The following NRXN3 variants were observed in gnomAD, a reference collection of about 807,000 sequenced individuals.
NRXN3 encodes neurexin III.
NRXN3 carries 32 observed loss-of-function variants against 137.6 expected under a neutral mutation model. The ratio of observed to expected loss-of-function variants is 0.23; its 90% CI spans 0.18 to 0.31. NRXN3 has a LOEUF of 0.31. NRXN3 is among the 10% of genes least tolerant of loss of function. NRXN3 has a pLI of 1.00. For synonymous variants in NRXN3, 798 were observed against 784.5 expected, an observed-to-expected ratio of 1.02 and a Z score of -0.29; for missense variants, 1,574 against 2,062.5, an observed-to-expected ratio of 0.76 and a Z score of 4.59.
At chr14:79,398,059 T>C (rs1258823603) in intron 15 of NRXN3, among the ~76,000 whole-genome samples, 2 of 152,164 alleles carry the variant, frequency 1.3e-5, no homozygotes, top group Non-Finnish European at 2.9e-5. Flanking sequence ...TTCATCAGCT[T>C]CCATCAGGGT....
At chr14:79,798,001 G>A (rs2099166147) in intron 19 of NRXN3, among the ~76,000 whole-genome samples, 1 of 151,854 alleles carries the variant, frequency 6.6e-6, no homozygotes, top group African/African-American at 2.4e-5. Context: ...CTAGGAGGCT[G>A]AGGCAAGAGG....
chr14:78,407,354 GC>G, intron 4 of NRXN3, among the ~76,000 whole-genome samples: 1 of 152,086 alleles, frequency 6.6e-6, no homozygotes, highest in Non-Finnish European at 1.5e-5. Context: ...CTGCTACTAA[GC>G]CCCCTATCAA....
At chr14:79,259,995 A>G (rs1333884414) in intron 15 of NRXN3, among the ~76,000 whole-genome samples, 1 of 152,130 alleles carries the variant, frequency 6.6e-6, no homozygotes, top group Non-Finnish European at 1.5e-5. Context: ...CAGTTGTGCC[A>G]GAGCATAATT....
intron 15 of NRXN3, among the ~76,000 whole-genome samples, chr14:79,375,285 T>TCC (rs1344598390): frequency 7.4e-6 from 1 of 134,592 alleles, no homozygotes; most frequent in Non-Finnish European, 1.6e-5. Flanking sequence ...CGCCTCCAGC[T>TCC]CCCACCCCCT....
chr14:78,243,456 G>A lies in NRXN3; in HGVS notation c.363G>A (p.Thr121=), dbSNP rs367867090. Residue 121 remains threonine (T), a synonymous_variant, in exon 2 of 21, where the codon ACG becomes ACA. Transcript: ENST00000335750. The surrounding 1 kb of genome is among the most constrained non-coding windows in gnomAD (Gnocchi z 4.2). ...TGGTGAGCCGTGACCGCCTGCGCACGGTGCTGATGCTTGATGGCGAGGGCC... is the reference window on the plus strand; with the variant it reads ...TGGTGAGCCGTGACCGCCTGCGCACAGTGCTGATGCTTGATGGCGAGGGCC... The part of the protein sequence containing the change: ...FLMVSRDRLR[T]VLMLDGEGQS... 188 of 1,579,524 alleles carry A rather than the reference G, an allele frequency of 1.2e-4. No homozygotes were observed. The African/African-American group carries it at 2.0e-3, about 17-fold the overall frequency.
chr14:78,324,185 T>G (rs769007483), intron 4 of NRXN3, among the ~76,000 whole-genome samples: 2 of 152,108 alleles, frequency 1.3e-5, no homozygotes, highest in African/African-American at 2.4e-5. Context: ...TCTTTTCATC[T>G]GTATTATGGG....
At chr14:78,631,054 C>T (rs966528941) in intron 4 of NRXN3, among the ~76,000 whole-genome samples, 2 of 152,052 alleles carry the variant, frequency 1.3e-5, no homozygotes, top group Admixed American at 1.3e-4. Context: ...GTTGTTTATC[C>T]TAGTCTCATG....
chr14:78,385,922 C>T (rs1252153752), intron 4 of NRXN3, among the ~76,000 whole-genome samples: 2 of 152,126 alleles, frequency 1.3e-5, no homozygotes, highest in Non-Finnish European at 2.9e-5. Context: ...TAGACCACAG[C>T]TTACCCTTTG....
At chr14:78,967,184 G>GTTTTTTTT in intron 12 of NRXN3, 24 bp from the exon 13 acceptor site, 2 of 1,421,222 alleles carry the variant, frequency 1.4e-6, no homozygotes, top group South Asian at 1.3e-5. Flanking sequence ...TCCAATTATT[G>GTTTTTTTT]TTTTTTTTTT....
intron 19 of NRXN3, among the ~76,000 whole-genome samples, chr14:79,775,553 GAAA>G (rs749252781): frequency 2.9e-5 from 2 of 69,028 alleles, no homozygotes; most frequent in African/African-American, 4.9e-5. Flanking sequence ...GGCTCTAACC[GAAA>G]AAAAAAAAAA....
At chr14:78,239,674 C>T (rs1348943125) in intron 1 of NRXN3, among the ~76,000 whole-genome samples, 1 of 151,774 alleles carries the variant, frequency 6.6e-6, no homozygotes, top group South Asian at 2.1e-4. Context: ...ATGGCTGATT[C>T]CCTCACACTC....
At chr14:79,160,077 T>C (rs1343775712) in intron 15 of NRXN3, among the ~76,000 whole-genome samples, 1 of 151,886 alleles carries the variant, frequency 6.6e-6, no homozygotes, top group African/African-American at 2.4e-5. Flanking sequence ...GGTTCCAGTA[T>C]CACCCAAAGC....
chr14:79,685,323 A>C (rs932906306), intron 17 of NRXN3, among the ~76,000 whole-genome samples: 1 of 152,196 alleles, frequency 6.6e-6, no homozygotes, highest in Non-Finnish European at 1.5e-5. Context: ...ATGCACTAAG[A>C]CATGGCTAAA....
intron 15 of NRXN3, among the ~76,000 whole-genome samples, chr14:79,267,791 G>T (rs982269294): frequency 3.3e-5 from 5 of 152,292 alleles, no homozygotes; most frequent in East Asian, 3.9e-4. Flanking sequence ...TTTAATTTTT[G>T]ATCACAACTA....
At chr14:78,682,442 C>T (rs982670624) in intron 6 of NRXN3, among the ~76,000 whole-genome samples, 3 of 151,240 alleles carry the variant, frequency 2.0e-5, no homozygotes, top group Non-Finnish European at 4.4e-5. Context: ...GAACCAAGTA[C>T]GACACTTTGA....
intron 20 of NRXN3, among the ~76,000 whole-genome samples, chr14:79,840,788 G>GAGGT (rs1208389994): frequency 1.3e-5 from 2 of 152,116 alleles, no homozygotes; most frequent in African/African-American, 4.8e-5. Context: ...ACATCTTCTG[G>GAGGT]AGGTAGGCTT....
At chr14:79,221,582 T>C (rs1430884965) in intron 15 of NRXN3, among the ~76,000 whole-genome samples, 2 of 152,094 alleles carry the variant, frequency 1.3e-5, no homozygotes, top group Non-Finnish European at 2.9e-5. Flanking sequence ...ATCCTTCACC[T>C]ACTTTGTGAT....
chr14:79,255,047 C>G (rs1175833870), intron 15 of NRXN3, among the ~76,000 whole-genome samples: 1 of 152,196 alleles, frequency 6.6e-6, no homozygotes, highest in Non-Finnish European at 1.5e-5. Context: ...AGGAGAATAG[C>G]ATTCCTTCTT....
At chr14:79,283,088 C>G (rs1479836220) in intron 15 of NRXN3, among the ~76,000 whole-genome samples, 1 of 152,134 alleles carries the variant, frequency 6.6e-6, no homozygotes, top group Non-Finnish European at 1.5e-5. Context: ...AAGACAAAGA[C>G]CTAGCTAACA....
Sources: allele counts gnomAD v4.1 joint callset (sites outside exome capture counted in the v4.1 genomes callset), GRCh38; gene constraint gnomAD v4.1.1; non-coding constraint Gnocchi (gnomAD v3.1); transcripts MANE v1.5; gene names NCBI Gene and HGNC (gene_info 2026-07-23, HGNC 2026-07-21).